Variants in IFI16 observed in about 807,000 individuals in gnomAD.
IFI16 encodes the protein interferon gamma inducible protein 16.
IFI16 carries 49 observed loss-of-function variants against 68.4 expected under a neutral mutation model. That is an observed-to-expected ratio of 0.72 (90% CI 0.57 to 0.91). IFI16 has a LOEUF of 0.91. IFI16 is among the 40% of genes least tolerant of loss of function. The probability of loss-of-function intolerance (pLI) is 0.00; values close to 1 mark genes in which losing one functional copy is unlikely to be tolerated. For synonymous variants in IFI16, 307 were observed against 315.0 expected (o/e 0.97, Z 0.27); for missense variants, 878 against 942.9 (o/e 0.93, Z 0.90).
intron 6 of IFI16, among the ~76,000 whole-genome samples, chr1:159,025,978 TGTAA>T (rs1315488414): frequency 6.6e-6 from 1 of 152,224 alleles, no homozygotes; most frequent in Non-Finnish European, 1.5e-5. Flanking sequence ...ATCAGTTGGC[TGTAA>T]GTATTTGGGT....
intron 2 of IFI16, 128 bp from the exon 3 acceptor site, chr1:159,015,744 A>G (rs962229565): frequency 1.2e-5 from 8 of 677,012 alleles, no homozygotes; most frequent in African/African-American, 1.1e-4. Flanking sequence ...GAGCTAGACT[A>G]AAGCACAGCT....
intron 1 of IFI16, among the ~76,000 whole-genome samples, chr1:159,010,968 T>A (rs2101794256): frequency 6.6e-6 from 1 of 152,378 alleles, no homozygotes; most frequent in East Asian, 1.9e-4. Context: ...AAATGTTGTT[T>A]TCAGAATTTT....
intron 1 of IFI16, among the ~76,000 whole-genome samples, chr1:159,010,516 T>A (rs1039282890): frequency 6.6e-6 from 1 of 152,212 alleles, no homozygotes; most frequent in African/African-American, 2.4e-5. Flanking sequence ...CTGTGGTGGG[T>A]TCTCAAGATA....
chr1:159,025,406 T>C (rs1170547715), intron 6 of IFI16, among the ~76,000 whole-genome samples: 5 of 152,258 alleles, frequency 3.3e-5, no homozygotes, highest in Non-Finnish European at 7.3e-5. Context: ...TTTACCTTTA[T>C]ATTAATGTGC....
chr1:159,001,143 G>T (rs1385967427), upstream of IFI16, among the ~76,000 whole-genome samples: 2 of 152,178 alleles, frequency 1.3e-5, no homozygotes, highest in African/African-American at 4.8e-5. Flanking sequence ...AATGTGTGTA[G>T]AACTACATAT....
chr1:159,008,546 A>AATT (rs563626541), upstream of IFI16, among the ~76,000 whole-genome samples: 94 of 152,282 alleles, frequency 6.2e-4, no homozygotes, highest in African/African-American at 2.1e-3. Flanking sequence ...ATTATAAGTA[A>AATT]AAGGCAGAAA....
At chr1:159,000,384 A>C (rs1230578389) in exon 1 of IFI16, 1 of 186,178 alleles carries the variant, frequency 5.4e-6, no homozygotes, top group Non-Finnish European at 1.2e-5. Context: ...TCAACATTCA[A>C]AATGAAGCAA....
At chr1:159,049,874 A>G (rs953352862) in intron 9 of IFI16, among the ~76,000 whole-genome samples, 1 of 151,688 alleles carries the variant, frequency 6.6e-6, no homozygotes. Context: ...TACATCATGA[A>G]AATCATACCT....
At position 159,023,281 on chromosome 1, in the gene IFI16, A is replaced by G. The variant is rs149450369; in HGVS notation, c.1161+2752A>G. ...GAATAAAGGTATAACATTGAGTTTT[A>G]ATTATGACACAAACTTCTTTTTTTG... On this transcript the variant is annotated intron_variant, in intron 6 of 11. Transcript: ENST00000295809. Among the ~76,000 whole-genome samples, 643 of 152,310 alleles carry G rather than the reference A, an allele frequency of 4.2e-3. 1 individual carries two copies. Among genetic ancestry groups the G allele is most frequent in the Non-Finnish European group, 7.7e-3 (523 of 68,026 alleles).
At chr1:159,011,205 G>A (rs1293234149) in intron 1 of IFI16, among the ~76,000 whole-genome samples, 6 of 152,040 alleles carry the variant, frequency 3.9e-5, no homozygotes, top group Non-Finnish European at 4.4e-5. Flanking sequence ...CCAGCATGGC[G>A]AAACCCTGTC....
intron 1 of IFI16, among the ~76,000 whole-genome samples, chr1:159,014,166 CAAG>C (rs1652771125): frequency 1.3e-5 from 2 of 152,108 alleles, no homozygotes; most frequent in African/African-American, 4.8e-5. Flanking sequence ...AGGGAAGAGT[CAAG>C]GAGAATAGGG....
rs1654769456 is a variant in IFI16, at chr1:159,043,119, T to G, written c.1330-2178T>G. On this transcript the variant is annotated intron_variant, in intron 7 of 11. Coordinates refer to ENST00000295809, the MANE Select transcript of IFI16 (RefSeq NM_001376587.1). ...TCTCAATTTTTTAGACAGTCATTTT[T>G]TTGGTTATTAATTTCAAGATTTCAT... Among the ~76,000 whole-genome samples, 3 of 152,208 alleles carry G rather than the reference T, an allele frequency of 2.0e-5. No individual in the cohort carries two copies. In the South Asian group the frequency reaches 6.2e-4, roughly 31 times the overall value.
At chr1:159,031,927 T>C (rs538746423) in intron 6 of IFI16, among the ~76,000 whole-genome samples, 5 of 152,238 alleles carry the variant, frequency 3.3e-5, no homozygotes, top group Non-Finnish European at 5.9e-5. Context: ...GAAAGACTTG[T>C]TCTACATCTG....
rs1654076531 is a variant in IFI16, at chr1:159,032,690, A to G, written c.1328A>G (p.Lys443Arg). ...ACTCCATCCAGCAGTTTCTTCACCAAGGTACAATTTCCTGGGTCCCATGCC... is the reference window on the plus strand; with the variant it reads ...ACTCCATCCAGCAGTTTCTTCACCAGGGTACAATTTCCTGGGTCCCATGCC... ...PTTPSSSFFTKKSEDTISKMN... is the reference protein window; with the variant it reads ...PTTPSSSFFTRKSEDTISKMN... The change falls in exon 7 of 12, where the codon AAG becomes AGG. Residue 443 changes from lysine (K) to arginine (R), a missense_variant and splice_region_variant. Lys to Arg is a conservative substitution (Grantham distance 26). Around this residue, in one of 4 missense-constraint regions of IFI16, gnomAD observed 59 missense variants for 119.0 expected, o/e 0.50. Transcript: ENST00000295809. The G allele has an allele frequency of 6.3e-7, 1 of 1,588,078 alleles. No homozygotes were observed. The highest frequency in any genetic ancestry group is 8.5e-7 in the Non-Finnish European group (1 of 1,170,668).
intron 6 of IFI16, among the ~76,000 whole-genome samples, chr1:159,027,899 CTTCTT>C (rs1252454065): frequency 2.0e-5 from 3 of 152,190 alleles, no homozygotes; most frequent in East Asian, 1.9e-4. Context: ...GATCTTCTCT[CTTCTT>C]TTCTTTGATA....
chr1:159,000,176 G>C (rs1369991009), exon 1 of IFI16: 1 of 213,726 alleles, frequency 4.7e-6, no homozygotes, highest in African/African-American at 2.3e-5. Context: ...TTGGCTACTC[G>C]TGCTGTTTAG....
At chr1:159,042,640 A>G (rs373682949) in intron 7 of IFI16, among the ~76,000 whole-genome samples, 1 of 152,076 alleles carries the variant, frequency 6.6e-6, no homozygotes, top group African/African-American at 2.4e-5. Context: ...AATAGATCAT[A>G]TTTTCTCATT....
upstream of IFI16, among the ~76,000 whole-genome samples, chr1:159,001,472 T>A (rs1652058311): frequency 6.6e-6 from 1 of 152,234 alleles, no homozygotes; most frequent in African/African-American, 2.4e-5. Context: ...ACCCTATTTA[T>A]ACATGTAGAA....
At chr1:159,010,440 C>T (rs1652477739) in intron 1 of IFI16, among the ~76,000 whole-genome samples, 1 of 152,128 alleles carries the variant, frequency 6.6e-6, no homozygotes, top group South Asian at 2.1e-4. Flanking sequence ...TGTATACTGG[C>T]ATAAGTTGGT....
Sources: gnomAD v4.1 joint callset for allele counts (sites outside exome capture counted in the v4.1 genomes callset) on GRCh38, gnomAD v4.1.1 for gene constraint, gnomAD v4.1.1 regional missense constraint, MANE v1.5 for transcripts, NCBI Gene and HGNC (gene_info 2026-07-23, HGNC 2026-07-21) for gene names.